The following IQCJ variants were observed in gnomAD, a reference collection of about 807,000 sequenced individuals.
IQCJ encodes IQ motif containing J, also known as IQ domain-containing protein J.
IQCJ carries 9 observed loss-of-function variants against 11.0 expected under a neutral mutation model. The observed-to-expected ratio is 0.82, with a 90% CI of 0.49 to 1.43. The LOEUF (loss-of-function observed/expected upper bound fraction) is 1.43. Ranked by LOEUF, IQCJ falls within the 40% of genes most tolerant of loss-of-function variation. The pLI is 0.00. For missense variants in IQCJ, 146 were observed against 133.2 expected (o/e 1.10, Z -0.47); for synonymous variants, 55 against 51.3 (o/e 1.07, Z -0.31).
rs1207836226 is a variant in IQCJ, at chr3:159,193,333, G to A, written c.10-52510G>A. 3.3e-5 allele frequency among the ~76,000 whole-genome samples: 5 copies of A among 152,188 alleles called. No individual in the cohort carries two copies. The East Asian group carries it at 9.6e-4, about 29-fold the overall frequency. On this transcript the variant is annotated intron_variant, in intron 1 of 3. Coordinates refer to ENST00000397832, the MANE Select transcript of IQCJ (RefSeq NM_001042706.3). The stretch of plus-strand genomic sequence containing the variant: ...CTAGATCCATATATTCTAAGTACTG[G>A]TGGTGTACTGGCCTTGAAAGGTGTT...
At chr3:159,237,364 GTCT>G (rs1336311487) in intron 1 of IQCJ, among the ~76,000 whole-genome samples, 2 of 152,346 alleles carry the variant, frequency 1.3e-5, no homozygotes, top group East Asian at 3.9e-4. Flanking sequence ...TGATGGGCTT[GTCT>G]AACCTCTTAG....
intron 1 of IQCJ, among the ~76,000 whole-genome samples, chr3:159,211,300 G>T (rs971985519): frequency 1.3e-5 from 2 of 152,144 alleles, no homozygotes; most frequent in African/African-American, 4.8e-5. Context: ...TAAATCTGTT[G>T]CTTAAAATTA....
At chr3:159,080,685 G>A (rs748587214) in intron 1 of IQCJ, among the ~76,000 whole-genome samples, 2 of 152,138 alleles carry the variant, frequency 1.3e-5, no homozygotes, top group Non-Finnish European at 2.9e-5. Flanking sequence ...TTATGAGGTA[G>A]GTATTGCCGT....
At chr3:159,122,426 T>C (rs1203013901) in intron 1 of IQCJ, among the ~76,000 whole-genome samples, 1 of 152,210 alleles carries the variant, frequency 6.6e-6, no homozygotes. Context: ...TTTAAAGAAC[T>C]GAGAAATGCT....
chr3:159,218,378 A>G (rs1725351598), intron 1 of IQCJ, among the ~76,000 whole-genome samples: 1 of 149,608 alleles, frequency 6.7e-6, no homozygotes, highest in African/African-American at 2.5e-5. Context: ...TGTATAAGAG[A>G]AAAAGAAACA....
intron 1 of IQCJ, among the ~76,000 whole-genome samples, chr3:159,235,407 T>C (rs961530569): frequency 2.6e-5 from 4 of 152,212 alleles, no homozygotes; most frequent in South Asian, 2.1e-4. Flanking sequence ...TGTCATGATC[T>C]AAAACTAGCA....
At chr3:159,217,336 AAGGT>A (rs1725290038) in intron 1 of IQCJ, among the ~76,000 whole-genome samples, 1 of 152,174 alleles carries the variant, frequency 6.6e-6, no homozygotes, top group Non-Finnish European at 1.5e-5. Context: ...TCCAGATTTC[AAGGT>A]AGTCCTTCAA....
At chr3:159,247,975 G>C (rs1455254714) in intron 2 of IQCJ, among the ~76,000 whole-genome samples, 1 of 152,138 alleles carries the variant, frequency 6.6e-6, no homozygotes, top group Non-Finnish European at 1.5e-5. Flanking sequence ...TAAGATACTG[G>C]AAGTGCCCAA....
intron 1 of IQCJ, among the ~76,000 whole-genome samples, chr3:159,152,958 G>A (rs1486303221): frequency 6.6e-6 from 1 of 152,112 alleles, no homozygotes; most frequent in Admixed American, 6.5e-5. Context: ...TTTGCACAAA[G>A]GCAAATGTCA....
intron 1 of IQCJ, among the ~76,000 whole-genome samples, chr3:159,231,456 C>G (rs904985688): frequency 2.6e-5 from 4 of 152,086 alleles, no homozygotes; most frequent in African/African-American, 9.7e-5. Context: ...TCTTTTATTT[C>G]CTGCAAGCTA....
chr3:159,157,469 T>C lies in IQCJ; in HGVS notation c.9+88028T>C, dbSNP rs1033333000. Among the ~76,000 whole-genome samples, 6 of 152,328 alleles carry C rather than the reference T, an allele frequency of 3.9e-5. No homozygotes were observed. In the East Asian group the frequency reaches 1.2e-3, roughly 29 times the overall value. On this transcript the variant is annotated intron_variant, in intron 1 of 3. Coordinates refer to ENST00000397832, the MANE Select transcript of IQCJ (RefSeq NM_001042706.3). ...TCTGGTCAGTGGAAGCCTTAGGCAA[T>C]GTTGATGGATAAGCAAACATTTATA...
chr3:159,231,200 A>G (rs1259520579), intron 1 of IQCJ, among the ~76,000 whole-genome samples: 1 of 152,198 alleles, frequency 6.6e-6, no homozygotes, highest in Non-Finnish European at 1.5e-5. Context: ...TGGGCAACAT[A>G]AGGGCTCTAC....
intron 3 of IQCJ, among the ~76,000 whole-genome samples, chr3:159,256,019 C>T (rs1727873884): frequency 6.6e-6 from 1 of 152,186 alleles, no homozygotes; most frequent in South Asian, 2.1e-4. Context: ...GGCCTCGCAG[C>T]ACAGGCAGAG....
At chr3:159,137,642 CTTAT>C (rs1720372805) in intron 1 of IQCJ, among the ~76,000 whole-genome samples, 1 of 152,120 alleles carries the variant, frequency 6.6e-6, no homozygotes, top group Non-Finnish European at 1.5e-5. Context: ...TATTGACTTT[CTTAT>C]TTAAGTATCA....
chr3:159,103,275 G>A (rs898837229), intron 1 of IQCJ, among the ~76,000 whole-genome samples: 4 of 152,140 alleles, frequency 2.6e-5, no homozygotes, highest in African/African-American at 4.8e-5. Flanking sequence ...GAAATACGTG[G>A]TTTTCCTGTC....
At chr3:159,233,298 G>C (rs1466321176) in intron 1 of IQCJ, among the ~76,000 whole-genome samples, 1 of 152,104 alleles carries the variant, frequency 6.6e-6, no homozygotes, top group East Asian at 1.9e-4. Context: ...CTAGGTGAGG[G>C]GGGTCAAGAA....
chr3:159,182,288 T>C (rs1723134558), intron 1 of IQCJ, among the ~76,000 whole-genome samples: 1 of 151,802 alleles, frequency 6.6e-6, no homozygotes, highest in African/African-American at 2.4e-5. Flanking sequence ...CCATGGTGGG[T>C]AGAAGTGATT....
chr3:159,233,563 C>T (rs1726395658), intron 1 of IQCJ, among the ~76,000 whole-genome samples: 1 of 152,194 alleles, frequency 6.6e-6, no homozygotes, highest in Admixed American at 6.5e-5. Flanking sequence ...TGTCATCGAG[C>T]ACCTGCTATT....
intron 1 of IQCJ, among the ~76,000 whole-genome samples, chr3:159,164,582 A>G (rs1488625595): frequency 1.3e-5 from 2 of 152,188 alleles, no homozygotes; most frequent in Non-Finnish European, 2.9e-5. Flanking sequence ...AGCCTAGTCA[A>G]CATGGTGAAA....
Sources: gnomAD v4.1 joint callset for allele counts (sites outside exome capture counted in the v4.1 genomes callset) on GRCh38, gnomAD v4.1.1 for gene constraint, MANE v1.5 for transcripts, NCBI Gene and HGNC (gene_info 2026-07-23, HGNC 2026-07-21) for gene names.